PDXDC1: variants seen among roughly 807,000 people sequenced by gnomAD.
PDXDC1 encodes pyridoxal-dependent decarboxylase domain-containing protein 1.
In PDXDC1, 42 loss-of-function variants were observed where a neutral mutation model predicts 100.1. The ratio of observed to expected loss-of-function variants is 0.42; its 90% CI spans 0.33 to 0.54. The LOEUF is 0.54. Ranked by LOEUF, PDXDC1 falls within the 20% of genes least tolerant of loss-of-function variation. The pLI, the probability that PDXDC1 is intolerant of heterozygous loss-of-function variation, is 0.10. For missense variants in PDXDC1, 636 were observed against 979.2 expected, an observed-to-expected ratio of 0.65 and a Z score of 4.68; for synonymous variants, 260 against 371.7, an observed-to-expected ratio of 0.70 and a Z score of 3.46.
intron 16 of PDXDC1, chr16:15,063,257 T>A: frequency 3.1e-6 from 5 of 1,613,464 alleles, no homozygotes; most frequent in Non-Finnish European, 4.2e-6. Flanking sequence ...CCACACCTGA[T>A]AAATAGGATC....
chr16:15,074,652 G>A, intron 16 of PDXDC1: 1 of 1,136,160 alleles, frequency 8.8e-7, no homozygotes, highest in Non-Finnish European at 1.2e-6. Flanking sequence ...TAGAGATAAT[G>A]GATGGAAAAT....
chr16:15,146,358 G>A, the PDXDC1 span, among the ~76,000 whole-genome samples: 5 of 152,188 alleles, frequency 3.3e-5, no homozygotes, highest in East Asian at 1.9e-4. Flanking sequence ...GATGCAGCAG[G>A]GTCCGCACGT....
chr16:15,117,489 T>A (rs1229024588), intron 16 of PDXDC1, among the ~76,000 whole-genome samples: 2 of 150,676 alleles, frequency 1.3e-5, no homozygotes, highest in African/African-American at 4.9e-5. Context: ...AAACCCAGTC[T>A]CTACTAAAAA....
chr16:15,002,122 G>A (rs1316338617), intron 4 of PDXDC1, among the ~76,000 whole-genome samples: 7 of 152,300 alleles, frequency 4.6e-5, no homozygotes, highest in Non-Finnish European at 8.8e-5. Flanking sequence ...AGTGTCGGAT[G>A]TCTTTCTGCT....
intron 16 of PDXDC1, among the ~76,000 whole-genome samples, chr16:15,057,981 GCTCCACAAATTTTGGT>G (rs1245714300): frequency 6.6e-6 from 1 of 152,160 alleles, no homozygotes; most frequent in African/African-American, 2.4e-5. Flanking sequence ...TTCCCACCCA[GCTCCACAAATTTTGGT>G]CTACAGGCAA....
intron 16 of PDXDC1, among the ~76,000 whole-genome samples, chr16:15,112,287 T>G (rs923208944): frequency 2.7e-5 from 4 of 148,162 alleles, no homozygotes; most frequent in Non-Finnish European, 6.0e-5. Flanking sequence ...GGCGCTACCT[T>G]GGCTCACGGC....
At chr16:15,051,704 T>A (rs2044297439) in intron 16 of PDXDC1, among the ~76,000 whole-genome samples, 1 of 149,478 alleles carries the variant, frequency 6.7e-6, no homozygotes, top group African/African-American at 2.5e-5. Context: ...TTTAATTTTT[T>A]TTTTTTTTTT....
chr16:15,135,393 G>A (rs559239927), intron 16 of PDXDC1: 16 of 1,496,516 alleles, frequency 1.1e-5, no homozygotes, highest in East Asian at 7.4e-5. Flanking sequence ...CTGCTCCCGC[G>A]GGGCCCAAAG....
the PDXDC1 span, among the ~76,000 whole-genome samples, chr16:15,146,603 C>T: frequency 6.6e-6 from 1 of 152,116 alleles, no homozygotes; most frequent in African/African-American, 2.4e-5. Flanking sequence ...CTGAAGGCAC[C>T]GAGGCTGGGT....
chr16:15,075,788 G>A lies in PDXDC1; in HGVS notation c.1399+45732G>A, dbSNP rs541160506. Reference sequence around the variant, plus strand: ...CTCTGCTCCTGGTGCCCACCATGGCGGGTGCTTTTGGTGCCGGGCCCCCTT... The same window carrying A: ...CTCTGCTCCTGGTGCCCACCATGGCAGGTGCTTTTGGTGCCGGGCCCCCTT... On this transcript the variant is annotated intron_variant, in intron 16 of 16. Coordinates refer to the PDXDC1 transcript ENST00000535621. 9.9e-4 allele frequency among the ~76,000 whole-genome samples: 150 copies of A among 152,202 alleles called. 2 individuals are homozygous for A. Among genetic ancestry groups the A allele is most frequent in the South Asian group, 2.1e-3 (10 of 4,814 alleles).
At chr16:15,139,910 A>G (rs1256009515), downstream of PDXDC1, among the ~76,000 whole-genome samples, 1 of 152,110 alleles carries the variant, frequency 6.6e-6, no homozygotes, top group East Asian at 1.9e-4. Context: ...ATCCTGGCCA[A>G]CAGGGTGAAA....
chr16:15,056,066 T>A (rs1439952669), intron 16 of PDXDC1: 1 of 386,560 alleles, frequency 2.6e-6, no homozygotes, highest in Non-Finnish European at 3.6e-6. Flanking sequence ...GGGCCGCGCG[T>A]CCCGCCTCGT....
Position 15,125,666 on chromosome 16 carries a change from C to G in PDXDC1, c.1400-13213C>G, listed in dbSNP as rs777738746. On this transcript the variant is annotated intron_variant, in intron 16 of 16. Transcript: ENST00000535621. ...AAGGCGGCAGGACCCCCAGCCCAGC[C>G]CAGGACCCCCAGTAGAGCCCTCACC... 5.3e-6 allele frequency: 7 copies of G among 1,316,370 alleles called. No individual in the cohort carries two copies. The Admixed American group carries it at 6.7e-5, about 13-fold the overall frequency. The allele number at this position is 1,316,370 out of a possible 1,614,324, so 81.5% of individuals were successfully genotyped here. A position where few individuals can be genotyped will look rare whatever the true frequency, so the allele number is the denominator to read the frequency against.
At chr16:15,012,937 C>T (rs1192351012) in intron 8 of PDXDC1, among the ~76,000 whole-genome samples, 6 of 152,228 alleles carry the variant, frequency 3.9e-5, no homozygotes, top group African/African-American at 9.6e-5. Context: ...TTTGGGAGGC[C>T]GAGGCGGGCA....
chr16:15,130,205 A>G lies in PDXDC1; in HGVS notation c.1400-8674A>G. On this transcript the variant is annotated intron_variant, in intron 16 of 16. Coordinates refer to the PDXDC1 transcript ENST00000535621. ...CCAGGAGCACAGGGTCACTCACAGG[A>G]AACACAAAGCGTACATGGCTTGGGG... is the stretch of plus-strand genomic sequence containing the variant. The G allele has an allele frequency of 2.6e-6, 4 of 1,550,224 alleles. No homozygotes were observed. In the South Asian group the frequency reaches 4.7e-5, roughly 18 times the overall value.
At chr16:15,012,387 G>A (rs1258659061) in intron 8 of PDXDC1, among the ~76,000 whole-genome samples, 2 of 152,276 alleles carry the variant, frequency 1.3e-5, no homozygotes, top group Admixed American at 6.5e-5. Context: ...TTACAGGTGT[G>A]AGCCACTGTG....
At chr16:15,041,244 T>G, downstream of PDXDC1, 1 of 712,340 alleles carries the variant, frequency 1.4e-6, no homozygotes, top group East Asian at 2.7e-5. Context: ...TTCCAGAAAA[T>G]GAAAGGGATT....
chr16:15,124,930 C>T (rs1433507523), intron 16 of PDXDC1, among the ~76,000 whole-genome samples: 18 of 150,402 alleles, frequency 1.2e-4, no homozygotes, highest in East Asian at 9.8e-4. Context: ...AGGCGGATCA[C>T]GAGGTTAGGA....
At chr16:15,075,827 T>TATCC (rs2045429776) in intron 16 of PDXDC1, among the ~76,000 whole-genome samples, 1 of 152,114 alleles carries the variant, frequency 6.6e-6, no homozygotes, top group Admixed American at 6.5e-5. Context: ...CAGGTCGGGA[T>TATCC]ATCCACCTCC....
Sources: allele counts gnomAD v4.1 joint callset (sites outside exome capture counted in the v4.1 genomes callset), GRCh38; gene constraint gnomAD v4.1.1; transcripts MANE v1.5; gene names NCBI Gene and HGNC (gene_info 2026-07-23, HGNC 2026-07-21).